The following SLC30A5 variants were observed in gnomAD, a reference collection of about 807,000 sequenced individuals.
SLC30A5 encodes solute carrier family 30 member 5, also known as proton-coupled zinc antiporter SLC30A5.
In SLC30A5, 33 loss-of-function variants were observed where a neutral mutation model predicts 79.6. The observed-to-expected ratio is 0.41, with a 90% CI of 0.31 to 0.55. The LOEUF is 0.55. Among genes scored for constraint, SLC30A5 ranks in the 20% least tolerant of loss-of-function variants. The pLI, the probability that SLC30A5 is intolerant of heterozygous loss-of-function variation, is 0.20. For missense variants in SLC30A5, 788 were observed against 928.1 expected (o/e 0.85, Z 1.96); for synonymous variants, 299 against 319.7 (o/e 0.94, Z 0.69).
intron 4 of SLC30A5, 112 bp downstream of exon 4, chr5:69,104,828 C>A: frequency 9.4e-7 from 1 of 1,067,516 alleles, no homozygotes; most frequent in Non-Finnish European, 1.3e-6. Context: ...GTGTCTAGCA[C>A]TTTTATAGCA....
rs944242135 is a variant in SLC30A5 at position 69,117,380 on chromosome 5, C to T, written c.1423C>T (p.Arg475Trp). 5 of 1,613,714 alleles carry T rather than the reference C, an allele frequency of 3.1e-6. No homozygotes were observed. Among genetic ancestry groups the T allele is most frequent in the East Asian group, 4.5e-5 (2 of 44,872 alleles). Residue 475 changes from arginine to tryptophan, a missense_variant, in exon 11 of 16, where the codon CGG becomes TGG. Arg to Trp is a moderately radical substitution (Grantham distance 101). This residue lies in a region of SLC30A5 where 626 missense variants were observed against 755.5 expected (regional missense o/e 0.83). Transcript: ENST00000396591. ...AALMSRWKAT[R>W]IFSYGYGRIE... Reference sequence around the variant, plus strand: ...CCTGATGAGTAGGTGGAAAGCCACTCGGATTTTCTCCTATGGGTAGGTACA... The same window carrying T: ...CCTGATGAGTAGGTGGAAAGCCACTTGGATTTTCTCCTATGGGTAGGTACA...
rs538712976 is a variant in SLC30A5, at chr5:69,116,898, T to C, written c.1281+296T>C. ...TATAGTAGCATTTAAAGAGTTCTAA[T>C]AACTTACAGGATCTCACTATTAGCA... On this transcript the variant is annotated intron_variant, in intron 10 of 15. Coordinates refer to ENST00000396591, the MANE Select transcript of SLC30A5 (RefSeq NM_022902.5). This position sits in a 1 kb window ranked among gnomAD's most constrained non-coding sequence, Gnocchi z 4.0. Among the ~76,000 whole-genome samples the C allele has an allele frequency of 3.9e-5, 6 of 152,344 alleles. No homozygotes were observed. The East Asian group carries it at 1.2e-3, about 29-fold the overall frequency.
chr5:69,129,380 C>T (rs1210059287), intron 15 of SLC30A5, 67 bp from the exon 16 acceptor site: 1 of 1,133,778 alleles, frequency 8.8e-7, no homozygotes, highest in African/African-American at 1.5e-5. Flanking sequence ...CTATGTACAG[C>T]ATATTAAGAC....
intron 4 of SLC30A5, among the ~76,000 whole-genome samples, chr5:69,107,465 A>T (rs1440310056): frequency 6.6e-6 from 1 of 152,218 alleles, no homozygotes; most frequent in Non-Finnish European, 1.5e-5. Flanking sequence ...AATTTATAGT[A>T]TAGTAAATAC....
Position 69,108,337 on chromosome 5 carries a change from T to C in SLC30A5, c.360-12T>C. On this transcript the variant is annotated splice_polypyrimidine_tract_variant and intron_variant, in intron 4 of 15. Coordinates refer to ENST00000396591, the MANE Select transcript of SLC30A5 (RefSeq NM_022902.5). ...ATTACATTTCATAAATGATAATGTT[T>C]TATTTTTGTAGGACTTTGCTGCTAT... 1 of 1,598,150 alleles carries C rather than the reference T, an allele frequency of 6.3e-7. No homozygotes were observed. Among genetic ancestry groups the C allele is most frequent in the Non-Finnish European group, 8.6e-7 (1 of 1,166,236 alleles).
At chr5:69,109,346 A>G (rs141017738) in intron 5 of SLC30A5, among the ~76,000 whole-genome samples, 2 of 152,068 alleles carry the variant, frequency 1.3e-5, no homozygotes, top group African/African-American at 4.8e-5. Context: ...AAAAATTAAA[A>G]TCAAAAATTA....
At chr5:69,114,387 T>C (rs1746307802) in intron 6 of SLC30A5, 33 bp from the exon 7 acceptor site, 1 of 1,381,094 alleles carries the variant, frequency 7.2e-7, no homozygotes, top group African/African-American at 1.4e-5. Flanking sequence ...AGTGACTTTT[T>C]GGAATTTTTT....
At chr5:69,114,391 A>AT (rs746439646) in intron 6 of SLC30A5, 29 bp from the exon 7 acceptor site, 8 of 1,467,026 alleles carry the variant, frequency 5.5e-6, no homozygotes, top group Middle Eastern at 1.7e-4. Flanking sequence ...ACTTTTTGGA[A>AT]TTTTTTTCCT....
intron 7 of SLC30A5, 40 bp from the exon 8 acceptor site, chr5:69,115,197 G>C: frequency 8.3e-7 from 1 of 1,206,644 alleles, no homozygotes; most frequent in South Asian, 1.2e-5. Context: ...CTGTTGAACT[G>C]TGTGTGTTTC....
chr5:69,128,250 CT>C (rs71612509), intron 15 of SLC30A5, 118 bp downstream of exon 15: 21,938 of 284,152 alleles, frequency 0.077, no homozygotes, highest in South Asian at 0.12. Context: ...TCTTCCAACT[CT>C]TTTTTTTTTT....
At chr5:69,110,895 T>TA (rs540414779) in intron 5 of SLC30A5, among the ~76,000 whole-genome samples, 20 of 150,806 alleles carry the variant, frequency 1.3e-4, no homozygotes, top group Middle Eastern at 6.8e-3. Flanking sequence ...TGAAAACATT[T>TA]AAAAAAAAAG....
At chr5:69,114,346 TA>T in intron 6 of SLC30A5, 73 bp from the exon 7 acceptor site, 1 of 855,764 alleles carries the variant, frequency 1.2e-6, no homozygotes, top group Non-Finnish European at 2.0e-6. Flanking sequence ...ATAATGTAAC[TA>T]AAATTTCAGG....
intron 5 of SLC30A5, among the ~76,000 whole-genome samples, chr5:69,108,996 T>C (rs1746160348): frequency 6.6e-6 from 1 of 152,154 alleles, no homozygotes; most frequent in Non-Finnish European, 1.5e-5. Context: ...GATTTTGAAA[T>C]GATTATAGAT....
At position 69,116,099 on chromosome 5, in the gene SLC30A5, T is replaced by A; in HGVS notation, c.957T>A (p.Phe319Leu). 1 of 1,614,220 alleles carries A rather than the reference T, an allele frequency of 6.2e-7. No individual in the cohort carries two copies. Among genetic ancestry groups the A allele is most frequent in the Non-Finnish European group, 8.5e-7 (1 of 1,180,042 alleles). Residue 319 changes from phenylalanine (F) to leucine (L), a missense_variant, in exon 9 of 16, where the codon TTT (phenylalanine) becomes TTA (leucine). By Grantham distance (22) the Phe-to-Leu change is conservative. Transcript: ENST00000396591. This position sits in a 1 kb window ranked among gnomAD's most constrained non-coding sequence, Gnocchi z 4.0. ...IFISALLFGN[F>L]WTHPITDQLR... The stretch of plus-strand genomic sequence containing the variant: ...TTAGTGCTCTCCTTTTTGGAAATTT[T>A]TGGACACATCCAATAACAGACCAGC...
At chr5:69,114,928 C>T (rs1349595315) in intron 7 of SLC30A5, among the ~76,000 whole-genome samples, 2 of 151,882 alleles carry the variant, frequency 1.3e-5, no homozygotes, top group Non-Finnish European at 2.9e-5. Context: ...TAAGTAGTTA[C>T]GTAATTGAGT....
At chr5:69,126,748 C>T (rs189202405) in intron 14 of SLC30A5, among the ~76,000 whole-genome samples, 19 of 150,906 alleles carry the variant, frequency 1.3e-4, no homozygotes, top group East Asian at 3.9e-4. Context: ...CCAGCCTGGG[C>T]GACAGAGTGA....
rs780867022 is a variant in SLC30A5, at chr5:69,115,277, T to C, written c.653T>C (p.Val218Ala). Residue 218 changes from valine (V) to alanine (A), a missense_variant, in exon 8 of 16, where the codon GTT (valine) becomes GCT (alanine). Physicochemically the swap from Val to Ala is moderately conservative, Grantham distance 64. Coordinates refer to ENST00000396591, the MANE Select transcript of SLC30A5 (RefSeq NM_022902.5). ...CTAGTACTGGCTTTGTGTTGTAAAG[T>C]TGGTTTTCATACAGCTTCCAGAAAG... is the stretch of plus-strand genomic sequence containing the variant. ...LLLVLALCCK[V>A]GFHTASRKLS... 1.5e-5 allele frequency: 25 copies of C among 1,613,882 alleles called. No homozygotes were observed. Among genetic ancestry groups the C allele is most frequent in the East Asian group, 4.5e-5 (2 of 44,890 alleles).
chr5:69,103,302 T>G (rs532147650), intron 3 of SLC30A5, among the ~76,000 whole-genome samples, 174 bp downstream of exon 3: 1 of 152,274 alleles, frequency 6.6e-6, no homozygotes, highest in African/African-American at 2.4e-5. Context: ...CATAAAGTAC[T>G]AAGATCATGG....
At position 69,115,367 on chromosome 5, in the gene SLC30A5, T is replaced by C; in HGVS notation, c.743T>C (p.Leu248Pro). 1.2e-6 allele frequency: 2 copies of C among 1,614,052 alleles called. No homozygotes were observed. Among genetic ancestry groups the C allele is most frequent in the Non-Finnish European group, 1.7e-6 (2 of 1,179,958 alleles). Residue 248 changes from leucine (L) to proline (P), a missense_variant, in exon 8 of 16, where the codon CTC (leucine) becomes CCC (proline). Coordinates refer to ENST00000396591, the MANE Select transcript of SLC30A5 (RefSeq NM_022902.5). ...TTATCTCATCTTGTTTCTGTGCTTC[T>C]CTTGTGCCCATGGGTCATTGTTCTT... ...QALSHLVSVL[L>P]LCPWVIVLSV...
Sources: allele counts gnomAD v4.1 joint callset (sites outside exome capture counted in the v4.1 genomes callset), GRCh38; gene constraint gnomAD v4.1.1; regional missense constraint gnomAD v4.1.1; non-coding constraint Gnocchi (gnomAD v3.1); transcripts MANE v1.5; gene names NCBI Gene and HGNC (gene_info 2026-07-23, HGNC 2026-07-21).